Variants in SRGAP3 observed in about 807,000 individuals in gnomAD.
SRGAP3 encodes SLIT-ROBO Rho GTPase-activating protein 3.
Under a neutral mutation model 121.1 loss-of-function variants are expected in SRGAP3, and 39 were observed. The ratio of observed to expected loss-of-function variants is 0.32; its 90% confidence interval spans 0.25 to 0.42. SRGAP3 has a LOEUF of 0.42. Ranked by LOEUF, SRGAP3 falls within the 10% of genes least tolerant of loss-of-function variation. SRGAP3 has a pLI of 1.00. For synonymous variants in SRGAP3, 601 were observed against 570.0 expected (o/e 1.05, Z -0.77); for missense variants, 1,213 against 1,470.6 (o/e 0.82, Z 2.86).
At chr3:8,987,822 C>T (rs1941808661) in intron 21 of SRGAP3, among the ~76,000 whole-genome samples, 1 of 152,090 alleles carries the variant, frequency 6.6e-6, no homozygotes, top group African/African-American at 2.4e-5. Flanking sequence ...GACCTCTCCC[C>T]ATCTCTGCCA....
intron 2 of SRGAP3, among the ~76,000 whole-genome samples, chr3:9,119,339 T>C (rs1560191407): frequency 6.6e-6 from 1 of 152,106 alleles, no homozygotes; most frequent in East Asian, 1.9e-4. Context: ...TGCCCATGAG[T>C]GGGCTCCTCG....
intron 2 of SRGAP3, among the ~76,000 whole-genome samples, chr3:9,330,113 T>C (rs945612540): frequency 1.2e-4 from 19 of 152,228 alleles, no homozygotes; most frequent in African/African-American, 4.6e-4. Context: ...CATTTCTACC[T>C]AAAATATTGA....
chr3:8,997,664 T>C (rs371592931), intron 18 of SRGAP3, among the ~76,000 whole-genome samples: 2 of 152,318 alleles, frequency 1.3e-5, no homozygotes. Context: ...AACATCCTAG[T>C]ATGACATTTT....
intron 3 of SRGAP3, among the ~76,000 whole-genome samples, chr3:9,093,961 G>A (rs772742105): frequency 2.0e-5 from 3 of 152,056 alleles, no homozygotes; most frequent in African/African-American, 7.2e-5. Context: ...AAAGGAGAGC[G>A]AACAATAACA....
chr3:9,049,584 C>CT (rs937582297), intron 9 of SRGAP3: 14 of 437,300 alleles, frequency 3.2e-5, no homozygotes, highest in Admixed American at 2.4e-5. Flanking sequence ...AGAGTAGACT[C>CT]AGTGTTTCTC....
chr3:9,110,056 C>G (rs1340776805), intron 2 of SRGAP3, among the ~76,000 whole-genome samples: 3 of 152,134 alleles, frequency 2.0e-5, no homozygotes, highest in Admixed American at 1.3e-4. Context: ...AAGGGTAAAA[C>G]TGCACTTTCA....
intron 1 of SRGAP3, among the ~76,000 whole-genome samples, chr3:9,137,406 G>A (rs2664113): frequency 0.74 from 112,968 of 151,970 alleles, 42,401 homozygotes; most frequent in African/African-American, 0.85. Flanking sequence ...GCTGGGTGAA[G>A]TGACTGGCAT....
chr3:9,016,672 G>A (rs976993416), intron 14 of SRGAP3, among the ~76,000 whole-genome samples: 3 of 152,126 alleles, frequency 2.0e-5, no homozygotes, highest in African/African-American at 2.4e-5. Flanking sequence ...ACTCTGAGAC[G>A]ACCGTGTGCA....
At chr3:9,229,011 G>A (rs1005394894) in intron 1 of SRGAP3, among the ~76,000 whole-genome samples, 16 of 146,430 alleles carry the variant, frequency 1.1e-4, no homozygotes, top group Middle Eastern at 3.5e-3. Context: ...GCAGTGAGCC[G>A]AGATTGCGCC....
At chr3:9,219,142 G>A (rs1392334239) in intron 1 of SRGAP3, 1 of 152,144 alleles carries the variant, frequency 6.6e-6, no homozygotes, top group East Asian at 1.9e-4. Context: ...GCCAAAAGCT[G>A]TCTTCAAATG....
intron 14 of SRGAP3, among the ~76,000 whole-genome samples, chr3:9,021,640 C>T (rs1943926935): frequency 6.6e-6 from 1 of 152,114 alleles, no homozygotes; most frequent in Non-Finnish European, 1.5e-5. Context: ...AAAAGAAAAC[C>T]ATGCTCCTTT....
intron 12 of SRGAP3, among the ~76,000 whole-genome samples, chr3:9,030,404 C>G (rs1215961440): frequency 2.0e-5 from 3 of 152,214 alleles, no homozygotes; most frequent in Non-Finnish European, 4.4e-5. Flanking sequence ...AATGGCATCG[C>G]AAAGCTCAGC....
rs561366919 is a variant in SRGAP3 at position 9,222,258 on chromosome 3, T to C, written c.67+26627A>G. Among the ~76,000 whole-genome samples the C allele has an allele frequency of 1.7e-3, 262 of 152,310 alleles. 1 individual carries two copies. Among genetic ancestry groups the C allele is most frequent in the Non-Finnish European group, 2.7e-3 (184 of 68,020 alleles). On this transcript the variant is annotated intron_variant, in intron 1 of 21. Transcript: ENST00000383836. The stretch of plus-strand genomic sequence containing the variant: ...CTGTGTACCTGTCATGTAGTTGAAG[T>C]ACCAGAAATGACTGGCTTCCTGAGA...
chr3:8,998,414 G>C (rs928920667), intron 18 of SRGAP3, among the ~76,000 whole-genome samples: 2 of 152,130 alleles, frequency 1.3e-5, no homozygotes, highest in African/African-American at 4.8e-5. Flanking sequence ...AACTGCAAGA[G>C]CCCCAACTGC....
chr3:8,996,051 T>C (rs546289622), intron 18 of SRGAP3, among the ~76,000 whole-genome samples: 1 of 152,240 alleles, frequency 6.6e-6, no homozygotes, highest in African/African-American at 2.4e-5. Flanking sequence ...GGCTTTACCA[T>C]TTTTTAGTTG....
At chr3:9,186,977 T>C (rs1394112057) in intron 1 of SRGAP3, among the ~76,000 whole-genome samples, 3 of 152,202 alleles carry the variant, frequency 2.0e-5, no homozygotes, top group African/African-American at 7.2e-5. Context: ...ATTTTTTTTA[T>C]TATACTTTAA....
intron 14 of SRGAP3, among the ~76,000 whole-genome samples, chr3:9,023,107 G>A (rs1944006895): frequency 6.6e-6 from 1 of 152,166 alleles, no homozygotes; most frequent in African/African-American, 2.4e-5. Context: ...GGAGAGGCAG[G>A]GAAATGCCAG....
At chr3:9,344,860 A>C (rs1251334779) in intron 1 of SRGAP3, among the ~76,000 whole-genome samples, 1 of 151,914 alleles carries the variant, frequency 6.6e-6, no homozygotes, top group East Asian at 1.9e-4. Context: ...CATGGTGAAA[A>C]ACCCTGTCTC....
At chr3:9,015,128 A>G (rs1310694915) in intron 15 of SRGAP3, among the ~76,000 whole-genome samples, 3 of 152,058 alleles carry the variant, frequency 2.0e-5, no homozygotes, top group Admixed American at 6.5e-5. Flanking sequence ...TAGACCTTCC[A>G]CGTCTCCCCA....
Sources: allele counts gnomAD v4.1 joint callset (sites outside exome capture counted in the v4.1 genomes callset), GRCh38; gene constraint gnomAD v4.1.1; transcripts MANE v1.5; gene names NCBI Gene and HGNC (gene_info 2026-07-23, HGNC 2026-07-21).